The following FGD5 variants were observed in gnomAD, a reference collection of about 807,000 sequenced individuals.
FGD5 encodes the protein FYVE, RhoGEF and PH domain-containing protein 5.
FGD5 carries 28 observed loss-of-function variants against 133.4 expected under a neutral mutation model. That is an observed-to-expected ratio of 0.21 (90% CI 0.16 to 0.29). The LOEUF (loss-of-function observed/expected upper bound fraction) is 0.29. Ranked by LOEUF, FGD5 falls within the 10% of genes least tolerant of loss-of-function variation. The pLI is 1.00. For missense variants in FGD5, 1,858 were observed against 1,895.2 expected, an observed-to-expected ratio of 0.98 and a Z score of 0.36; for synonymous variants, 810 against 776.5, an observed-to-expected ratio of 1.04 and a Z score of -0.72.
intron 11 of FGD5, 74 bp downstream of exon 11, chr3:14,911,003 G>A: frequency 7.0e-7 from 1 of 1,430,512 alleles, no homozygotes; most frequent in Non-Finnish European, 9.7e-7. Context: ...ATTATTCAAG[G>A]ACAAGTGGAA....
At chr3:14,822,661 CAACTT>C (rs1337391537) in intron 1 of FGD5, among the ~76,000 whole-genome samples, 3 of 152,246 alleles carry the variant, frequency 2.0e-5, no homozygotes, top group South Asian at 2.1e-4. Flanking sequence ...ATTGTGGACA[CAACTT>C]AAAGGTGATG....
At position 14,819,025 on chromosome 3, in the gene FGD5, A is replaced by G; in HGVS notation, c.-47A>G. 1 of 1,495,730 alleles carries G rather than the reference A, an allele frequency of 6.7e-7. No individual in the cohort carries two copies. Among genetic ancestry groups the G allele is most frequent in the Non-Finnish European group, 8.9e-7 (1 of 1,121,426 alleles). The allele number at this position is 1,495,730 out of a possible 1,614,324, so 92.7% of individuals were successfully genotyped here. Reference sequence around the variant, plus strand: ...CCACTGACGCCAGTGACCGCGCCCAAATTCCCTTCCTCAGCCAGGCCCGAG... The same window carrying G: ...CCACTGACGCCAGTGACCGCGCCCAGATTCCCTTCCTCAGCCAGGCCCGAG... On this transcript the variant is annotated 5_prime_UTR_variant, in exon 1 of 20. Coordinates refer to ENST00000285046, the MANE Select transcript of FGD5 (RefSeq NM_152536.4). This position sits in a 1 kb window ranked among gnomAD's most constrained non-coding sequence, Gnocchi z 4.1.
At position 14,898,152 on chromosome 3, in the gene FGD5, G is replaced by A. The variant is rs1031888699; in HGVS notation, c.3066+57G>A. ...TAAGGATGCAGGGGTTGAGGTGGGC[G>A]AAGGGCTTAATGCAAATCAGTGGGA... On this transcript the variant is annotated intron_variant, in intron 6 of 19. Transcript: ENST00000285046. 2.2e-5 allele frequency: 35 copies of A among 1,604,820 alleles called. No individual in the cohort carries two copies. In the Middle Eastern group the frequency reaches 5.0e-4, roughly 23 times the overall value.
intron 4 of FGD5, among the ~76,000 whole-genome samples, chr3:14,885,031 C>T (rs1191545453): frequency 6.6e-6 from 1 of 151,494 alleles, no homozygotes; most frequent in Non-Finnish European, 1.5e-5. Flanking sequence ...ATCTCTTTTG[C>T]CTAATAAATA....
At chr3:14,872,148 C>G (rs894876023) in intron 2 of FGD5, among the ~76,000 whole-genome samples, 4 of 152,206 alleles carry the variant, frequency 2.6e-5, no homozygotes, top group African/African-American at 9.7e-5. Context: ...ACAGAAGAAG[C>G]TAATGGGGTC....
rs370813130 is a variant in FGD5, at chr3:14,880,585, C to A, written c.2672C>A (p.Ser891Tyr). ...TTCCTCCCACAGGTGGAAGGACAGT[C>A]CAGAGCCCTTGTCATCGCACAGGAA... ...PSVTHKVEGQSRALVIAQELL... is the reference protein window; with the variant it reads ...PSVTHKVEGQYRALVIAQELL... Residue 891 changes from serine (S) to tyrosine (Y), a missense_variant, in exon 3 of 20, where the codon TCC (serine) becomes TAC (tyrosine). By Grantham distance (144) the Ser-to-Tyr change is moderately radical. This residue lies in a region of FGD5 where 1,824 missense variants were observed against 1,848.9 expected (regional missense o/e 0.99). Coordinates refer to ENST00000285046, the MANE Select transcript of FGD5 (RefSeq NM_152536.4). 1 of 1,613,932 alleles carries A rather than the reference C, an allele frequency of 6.2e-7. No homozygotes were observed. Among genetic ancestry groups the A allele is most frequent in the African/African-American group, 1.3e-5 (1 of 75,036 alleles).
rs146294883 is a variant in FGD5, at chr3:14,862,219, G to A, written c.2526-1909G>A. ...AACTGCTGCATCCCTCATCCTTACT[G>A]CTTATCCTGGATAGAGCACCACCTG... On this transcript the variant is annotated intron_variant, in intron 1 of 19. Transcript: ENST00000285046. Among the ~76,000 whole-genome samples the A allele has an allele frequency of 1.6e-4, 25 of 152,332 alleles. No homozygotes were observed. In the East Asian group the frequency reaches 3.9e-3, roughly 23 times the overall value.
chr3:14,864,161 CTCG>C lies in FGD5; in HGVS notation c.2563_2565del (p.Ser855del). 2 of 1,614,014 alleles carry C rather than the reference CTCG, an allele frequency of 1.2e-6. No homozygotes were observed. Among genetic ancestry groups the C allele is most frequent in the Non-Finnish European group, 8.5e-7 (1 of 1,179,864 alleles). ...CAGAGCCCTACAAAGTCTGTCCCATCTCGTCGGCAGCCCCCAAAGAGGACCTTA... is the reference window on the plus strand; with the variant it reads ...CAGAGCCCTACAAAGTCTGTCCCATCTCGGCAGCCCCCAAAGAGGACCTTA... On this transcript the variant is annotated inframe_deletion, in exon 2 of 20. Transcript: ENST00000285046.
At chr3:14,856,735 A>T (rs1039998525) in intron 1 of FGD5, among the ~76,000 whole-genome samples, 1 of 152,050 alleles carries the variant, frequency 6.6e-6, no homozygotes, top group Admixed American at 6.5e-5. Flanking sequence ...TATATTGATT[A>T]TGTATCCTGC....
rs138370203 is a variant in FGD5 at position 14,875,711 on chromosome 3, C to A, written c.2659-4861C>A. On this transcript the variant is annotated intron_variant, in intron 2 of 19. Coordinates refer to ENST00000285046, the MANE Select transcript of FGD5 (RefSeq NM_152536.4). ...GTACAGGGAGGGTCAGAGCTTGGGTCCAAGATGAGGGATGGGAAGCCTGGA... is the reference window on the plus strand; with the variant it reads ...GTACAGGGAGGGTCAGAGCTTGGGTACAAGATGAGGGATGGGAAGCCTGGA... Among the ~76,000 whole-genome samples, 85 of 152,022 alleles carry A rather than the reference C, an allele frequency of 5.6e-4. 1 individual carries two copies. Among genetic ancestry groups the A allele is most frequent in the African/African-American group, 2.0e-3 (82 of 41,426 alleles).
intron 1 of FGD5, among the ~76,000 whole-genome samples, chr3:14,855,859 G>T (rs997334376): frequency 1.3e-5 from 2 of 152,120 alleles, no homozygotes; most frequent in African/African-American, 4.8e-5. Flanking sequence ...TTCCTTTGCT[G>T]TACAGATGCT....
At chr3:14,924,235 T>C in intron 17 of FGD5, 97 bp downstream of exon 17, 1 of 1,570,682 alleles carries the variant, frequency 6.4e-7, no homozygotes, top group South Asian at 1.1e-5. Flanking sequence ...TGTCCCAGCC[T>C]GACCAGTCTC....
At chr3:14,907,559 G>A in intron 9 of FGD5, 81 bp from the exon 10 acceptor site, 1 of 1,303,668 alleles carries the variant, frequency 7.7e-7, no homozygotes, top group South Asian at 1.4e-5. Flanking sequence ...TGAAACAGAA[G>A]CAACGCCATG....
intron 1 of FGD5, among the ~76,000 whole-genome samples, chr3:14,828,357 A>ATCT (rs1342869000): frequency 1.3e-5 from 2 of 152,168 alleles, no homozygotes; most frequent in Non-Finnish European, 1.5e-5. Flanking sequence ...GAGAAAGAGG[A>ATCT]GAGAACGTAC....
intron 9 of FGD5, among the ~76,000 whole-genome samples, chr3:14,904,831 T>A (rs1320883125): frequency 1.3e-5 from 2 of 151,538 alleles, no homozygotes; most frequent in African/African-American, 4.8e-5. Flanking sequence ...TAACCATGAG[T>A]TTTATTTTAT....
intron 9 of FGD5, among the ~76,000 whole-genome samples, chr3:14,906,605 C>G (rs2038346480): frequency 6.6e-6 from 1 of 152,248 alleles, no homozygotes; most frequent in African/African-American, 2.4e-5. Flanking sequence ...TGGATGAGAG[C>G]TTGCAAGTGA....
intron 2 of FGD5, among the ~76,000 whole-genome samples, chr3:14,871,863 T>C (rs1305181288): frequency 6.6e-6 from 1 of 152,260 alleles, no homozygotes; most frequent in East Asian, 1.9e-4. Flanking sequence ...TCAGTCTTGC[T>C]TTCTCCTTCC....
chr3:14,845,074 A>T (rs971030203), intron 1 of FGD5, among the ~76,000 whole-genome samples: 2 of 151,864 alleles, frequency 1.3e-5, no homozygotes, highest in African/African-American at 4.8e-5. Flanking sequence ...TTCTGCCTCC[A>T]CTCACTCAGA....
At chr3:14,870,938 A>G (rs557527956) in intron 2 of FGD5, among the ~76,000 whole-genome samples, 1 of 152,338 alleles carries the variant, frequency 6.6e-6, no homozygotes, top group Non-Finnish European at 1.5e-5. Context: ...GATCAGAGAA[A>G]ATTCAGTAGA....
Sources: gnomAD v4.1 joint callset for allele counts (sites outside exome capture counted in the v4.1 genomes callset) on GRCh38, gnomAD v4.1.1 for gene constraint, gnomAD v4.1.1 regional missense constraint, Gnocchi (gnomAD v3.1) non-coding constraint, MANE v1.5 for transcripts, NCBI Gene and HGNC (gene_info 2026-07-23, HGNC 2026-07-21) for gene names.